The following PSMA8 variants were observed in gnomAD, a reference collection of about 807,000 sequenced individuals.
PSMA8 encodes the protein proteasome 20S subunit alpha 8.
PSMA8 carries 18 observed loss-of-function variants against 32.4 expected under a neutral mutation model. That is an observed-to-expected ratio of 0.56 (90% CI 0.38 to 0.82). The LOEUF (loss-of-function observed/expected upper bound fraction) is 0.82, where lower values mean the gene tolerates loss of function less well. Ranked by LOEUF, PSMA8 falls within the 40% of genes least tolerant of loss-of-function variation. PSMA8 has a pLI of 0.00. For synonymous variants in PSMA8, 104 were observed against 98.1 expected (o/e 1.06, Z -0.36); for missense variants, 298 against 300.7 (o/e 0.99, Z 0.07).
chr18:26,177,238 A>T (rs1040919653), intron 4 of PSMA8, among the ~76,000 whole-genome samples: 1 of 152,136 alleles, frequency 6.6e-6, no homozygotes, highest in Non-Finnish European at 1.5e-5. Context: ...TTGACAAGAG[A>T]TATGTTTGGT....
intron 2 of PSMA8, among the ~76,000 whole-genome samples, chr18:26,145,059 G>T (rs1440930512): frequency 6.6e-6 from 1 of 152,118 alleles, no homozygotes; most frequent in Non-Finnish European, 1.5e-5. Context: ...TTCAGATTTT[G>T]CCAGTTTTAC....
intron 4 of PSMA8, among the ~76,000 whole-genome samples, chr18:26,160,253 T>C (rs1370743797): frequency 1.3e-5 from 2 of 152,176 alleles, no homozygotes; most frequent in Non-Finnish European, 2.9e-5. Context: ...TGCAGTAAGC[T>C]AGGATCATAC....
intron 1 of PSMA8, among the ~76,000 whole-genome samples, chr18:26,138,488 T>C (rs1254903940): frequency 6.6e-6 from 1 of 152,226 alleles, no homozygotes; most frequent in East Asian, 1.9e-4. Flanking sequence ...CCCTAGATCC[T>C]TTTGTCTCAT....
chr18:26,192,180 T>A, intron 6 of PSMA8, 139 bp from the exon 7 acceptor site: 1 of 751,318 alleles, frequency 1.3e-6, no homozygotes, highest in Non-Finnish European at 1.8e-6. Context: ...TTGAAATGCT[T>A]CATTGTATAT....
Position 26,170,305 on chromosome 18 carries a change from C to T in PSMA8, c.478-8525C>T, listed in dbSNP as rs1167818737. Among the ~76,000 whole-genome samples the T allele has an allele frequency of 9.1e-5, 12 of 131,772 alleles. 3 individuals are homozygous for T. Among genetic ancestry groups the T allele is most frequent in the Non-Finnish European group, 1.5e-4 (10 of 67,270 alleles). The allele number at this position is 131,772 out of a possible 152,430, so 86.4% of individuals were successfully genotyped here. ...GTTTTCAATTTTCCACTGTTACAAACAAGGTGGCAACATTTATCTACAAAC... is the reference window on the plus strand; with the variant it reads ...GTTTTCAATTTTCCACTGTTACAAATAAGGTGGCAACATTTATCTACAAAC... On this transcript the variant is annotated intron_variant, in intron 4 of 6. Transcript: ENST00000415576.
intron 6 of PSMA8, among the ~76,000 whole-genome samples, chr18:26,186,796 A>G (rs1319251121): frequency 6.6e-6 from 1 of 152,168 alleles, no homozygotes; most frequent in East Asian, 1.9e-4. Flanking sequence ...ACATGAGGAC[A>G]ATTCTAGATG....
At chr18:26,136,738 G>A (rs886985687) in intron 1 of PSMA8, among the ~76,000 whole-genome samples, 2 of 152,110 alleles carry the variant, frequency 1.3e-5, no homozygotes, top group Non-Finnish European at 2.9e-5. Flanking sequence ...ACACCAACTG[G>A]ATAGTAAGAT....
chr18:26,147,832 A>G (rs781662181), intron 2 of PSMA8, among the ~76,000 whole-genome samples: 4 of 152,174 alleles, frequency 2.6e-5, no homozygotes, highest in Non-Finnish European at 5.9e-5. Flanking sequence ...ACTAAGAAAA[A>G]AAGAGAGAAG....
Position 26,192,329 on chromosome 18 carries a change from C to A in PSMA8, c.671C>A (p.Ala224Glu). 13 of 1,503,556 alleles carry A rather than the reference C, an allele frequency of 8.6e-6. No homozygotes were observed. The highest frequency in any genetic ancestry group is 5.2e-5 in the East Asian group (2 of 38,386). The allele number at this position is 1,503,556 out of a possible 1,614,324, so 93.1% of individuals were successfully genotyped here. A position where few individuals can be genotyped will look rare whatever the true frequency, so the allele number is the denominator to read the frequency against. The change falls in exon 7 of 7, where the codon GCA becomes GAA. Residue 224 changes from alanine to glutamate, a missense_variant. Ala to Glu is a moderately radical substitution (Grantham distance 107, BLOSUM62 -1). Coordinates refer to ENST00000415576, the MANE Select transcript of PSMA8 (RefSeq NM_001025096.2). The part of the protein sequence containing the change: ...RRNQPLKMFS[A>E]KEVELYVTEI... ...TTTTTCTCTTTTCAGATGTTTAGTG[C>A]AAAAGAAGTTGAATTATATGTAACT...
At chr18:26,174,706 G>A (rs569427497) in intron 4 of PSMA8, among the ~76,000 whole-genome samples, 43 of 152,268 alleles carry the variant, frequency 2.8e-4, no homozygotes, top group African/African-American at 1.0e-3. Context: ...TAACTACGTC[G>A]TATACTTCTG....
chr18:26,185,019 A>T (rs911248326), intron 6 of PSMA8, among the ~76,000 whole-genome samples: 1 of 147,212 alleles, frequency 6.8e-6, no homozygotes, highest in African/African-American at 2.5e-5. Flanking sequence ...ACCGGGAGAC[A>T]GAGGTTACAG....
chr18:26,177,968 C>T (rs1449596652), intron 4 of PSMA8, among the ~76,000 whole-genome samples: 1 of 152,188 alleles, frequency 6.6e-6, no homozygotes, highest in East Asian at 1.9e-4. Flanking sequence ...AATCTCAGCA[C>T]TTTGGGAGGC....
chr18:26,150,655 A>G (rs1005770818), intron 2 of PSMA8, among the ~76,000 whole-genome samples: 2 of 152,232 alleles, frequency 1.3e-5, no homozygotes, highest in Non-Finnish European at 2.9e-5. Flanking sequence ...GCCAATTAAT[A>G]ATAATCTTGC....
intron 3 of PSMA8, among the ~76,000 whole-genome samples, chr18:26,155,199 T>C (rs1271049714): frequency 1.3e-5 from 2 of 151,676 alleles, no homozygotes; most frequent in African/African-American, 4.8e-5. Context: ...CATACCACCA[T>C]ACTCCAGCCT....
At chr18:26,180,823 G>A (rs1009814877) in intron 6 of PSMA8, among the ~76,000 whole-genome samples, 1 of 152,104 alleles carries the variant, frequency 6.6e-6, no homozygotes, top group African/African-American at 2.4e-5. Flanking sequence ...TTTAGGATAG[G>A]CTATGTAGGG....
chr18:26,171,803 T>C (rs555348785), intron 4 of PSMA8, among the ~76,000 whole-genome samples: 1 of 152,286 alleles, frequency 6.6e-6, no homozygotes, highest in South Asian at 2.1e-4. Flanking sequence ...ACTACTTACA[T>C]ACTAATAAAA....
intron 2 of PSMA8, among the ~76,000 whole-genome samples, chr18:26,148,351 A>G (rs1022797371): frequency 8.5e-5 from 13 of 152,056 alleles, no homozygotes; most frequent in African/African-American, 2.7e-4. Context: ...GAGTGCAAGC[A>G]TGGTTCAACA....
At chr18:26,150,137 C>A (rs900577736) in intron 2 of PSMA8, among the ~76,000 whole-genome samples, 2 of 152,102 alleles carry the variant, frequency 1.3e-5, no homozygotes, top group African/African-American at 4.8e-5. Context: ...GGATGCCCAA[C>A]CAGTAAGTAT....
chr18:26,191,776 G>A (rs925691251), intron 6 of PSMA8, among the ~76,000 whole-genome samples: 14 of 152,114 alleles, frequency 9.2e-5, no homozygotes, highest in Admixed American at 3.3e-4. Context: ...TCTTATAGCC[G>A]CAAGCATGTA....
Sources: allele counts gnomAD v4.1 joint callset (sites outside exome capture counted in the v4.1 genomes callset), GRCh38; gene constraint gnomAD v4.1.1; transcripts MANE v1.5; gene names NCBI Gene and HGNC (gene_info 2026-07-23, HGNC 2026-07-21).